The following DUSP22 variants were observed in gnomAD, a reference collection of about 807,000 sequenced individuals.
DUSP22 encodes dual specificity protein phosphatase 22.
DUSP22 carries 24 observed loss-of-function variants against 24.5 expected under a neutral mutation model. The ratio of observed to expected loss-of-function variants is 0.98; its 90% CI spans 0.71 to 1.38. The LOEUF (loss-of-function observed/expected upper bound fraction) is 1.38. Among genes scored for constraint, DUSP22 ranks in the 40% most tolerant of loss-of-function variants. DUSP22 has a pLI of 0.00. For missense variants in DUSP22, 330 were observed against 269.2 expected (o/e 1.23, Z -1.58); for synonymous variants, 160 against 106.4 (o/e 1.50, Z -3.10).
At chr6:345,457 G>A (rs1298565957) in intron 4 of DUSP22, among the ~76,000 whole-genome samples, 3 of 152,302 alleles carry the variant, frequency 2.0e-5, no homozygotes, top group African/African-American at 7.2e-5. Context: ...TGATCCGCCT[G>A]CCTCAGCCTC....
chr6:319,159 A>G (rs1046207335), intron 3 of DUSP22, among the ~76,000 whole-genome samples: 6 of 152,288 alleles, frequency 3.9e-5, no homozygotes, highest in African/African-American at 7.2e-5. Flanking sequence ...AAATTCTTGA[A>G]TTTATTTGTC....
At chr6:293,357 G>A (rs1757182843) in intron 1 of DUSP22, among the ~76,000 whole-genome samples, 2 of 152,408 alleles carry the variant, frequency 1.3e-5, no homozygotes, top group African/African-American at 2.4e-5. Flanking sequence ...GAACCACAGG[G>A]TTAAGGATTT....
intron 3 of DUSP22, among the ~76,000 whole-genome samples, chr6:332,762 G>A (rs1034395720): frequency 6.6e-6 from 1 of 152,166 alleles, no homozygotes; most frequent in Non-Finnish European, 1.5e-5. Context: ...CTCGTCTTAA[G>A]CTTCCTTGCC....
At chr6:334,687 A>G (rs1480116302) in intron 3 of DUSP22, among the ~76,000 whole-genome samples, 2 of 152,300 alleles carry the variant, frequency 1.3e-5, no homozygotes, top group Non-Finnish European at 2.9e-5. Context: ...ATGTGACATT[A>G]TAGTTTTCAC....
chr6:315,262 G>A (rs371708053), intron 3 of DUSP22, among the ~76,000 whole-genome samples: 1,169 of 152,048 alleles, frequency 7.7e-3, no homozygotes, highest in African/African-American at 0.027. Context: ...CTGAGATTCT[G>A]AGGAGCTCTG....
chr6:295,799 CAAA>C (rs61498181), intron 1 of DUSP22, among the ~76,000 whole-genome samples: 67 of 137,956 alleles, frequency 4.9e-4, no homozygotes, highest in South Asian at 3.1e-3. Flanking sequence ...GACCCTGTTT[CAAA>C]AAAAAAAAAA....
intron 3 of DUSP22, among the ~76,000 whole-genome samples, chr6:323,213 C>G (rs1351099608): frequency 6.6e-6 from 1 of 152,164 alleles, no homozygotes; most frequent in Admixed American, 6.5e-5. Flanking sequence ...GGCCAGACTC[C>G]CTGGGATGTT....
intron 3 of DUSP22, among the ~76,000 whole-genome samples, chr6:312,960 C>G (rs1217128928): frequency 6.8e-6 from 1 of 147,810 alleles, no homozygotes; most frequent in African/African-American, 2.5e-5. Context: ...TATTGTTTAG[C>G]TCATAATTTT....
At chr6:322,096 TATC>T (rs572185908) in intron 3 of DUSP22, among the ~76,000 whole-genome samples, 21 of 152,130 alleles carry the variant, frequency 1.4e-4, no homozygotes, top group African/African-American at 4.4e-4. Flanking sequence ...AGTGTACACA[TATC>T]ATCTACATAG....
chr6:350,806 T>C lies in DUSP22; in HGVS notation c.*1855T>C. The C allele has an allele frequency of 6.2e-7, 1 of 1,614,280 alleles. No individual in the cohort carries two copies. The highest frequency in any genetic ancestry group is 1.3e-5 in the African/African-American group (1 of 75,088). On this transcript the variant is annotated 3_prime_UTR_variant, in exon 7 of 7. Coordinates refer to ENST00000419235, the MANE Select transcript of DUSP22 (RefSeq NM_001286555.3). ...TTGTTTTAATATTTGTTGCCAGTAA[T>C]GTTCTTTCTTCACAGCCGCTCCGGG...
At chr6:309,378 G>A (rs10214858) in intron 2 of DUSP22, among the ~76,000 whole-genome samples, 11,960 of 148,536 alleles carry the variant, frequency 0.081, 28 homozygotes, top group East Asian at 0.24. Context: ...AATAAACTTA[G>A]GCAAAATACT....
chr6:297,116 T>G (rs567066079), intron 1 of DUSP22, among the ~76,000 whole-genome samples: 441 of 152,238 alleles, frequency 2.9e-3, no homozygotes, highest in Admixed American at 4.3e-3. Context: ...TGCTGCTTCA[T>G]GGGTGTGATC....
Position 349,558 on chromosome 6 carries a change from A to G in DUSP22, c.*607A>G, listed in dbSNP as rs1224440407. On this transcript the variant is annotated 3_prime_UTR_variant, in exon 7 of 7. Transcript: ENST00000419235. ...GCATGGCCTCTCCCAGAACCCACCC[A>G]GGGTGGTGTGGTGGGGGCAACAGGG... The G allele has an allele frequency of 6.1e-6, 6 of 989,468 alleles. No homozygotes were observed. Among genetic ancestry groups the G allele is most frequent in the Non-Finnish European group, 7.2e-6 (6 of 832,968 alleles). The allele number at this position is 989,468 out of a possible 1,614,324, so 61.3% of individuals were successfully genotyped here.
intron 3 of DUSP22, among the ~76,000 whole-genome samples, chr6:321,195 G>C (rs1758571703): frequency 6.6e-6 from 1 of 152,306 alleles, no homozygotes; most frequent in East Asian, 1.9e-4. Context: ...AGAGGTACAG[G>C]GTGCACTAAG....
At chr6:313,093 T>C (rs1415491850) in intron 3 of DUSP22, among the ~76,000 whole-genome samples, 1 of 152,306 alleles carries the variant, frequency 6.6e-6, no homozygotes, top group Non-Finnish European at 1.5e-5. Flanking sequence ...CTCCATTTTT[T>C]AATCTGTCAA....
chr6:317,982 A>C (rs778474736), intron 3 of DUSP22, among the ~76,000 whole-genome samples: 4 of 152,304 alleles, frequency 2.6e-5, no homozygotes, highest in African/African-American at 9.6e-5. Context: ...TATCATGAGC[A>C]ATTTGTGAAG....
chr6:321,285 A>G (rs914325502), intron 3 of DUSP22, among the ~76,000 whole-genome samples: 2 of 152,298 alleles, frequency 1.3e-5, no homozygotes, highest in Non-Finnish European at 2.9e-5. Context: ...GCAGGCTCAG[A>G]GCAGATTAGC....
chr6:292,557 C>T lies in DUSP22; in HGVS notation c.18C>T (p.Asn6=), dbSNP rs772133646. ...CAGCCACCATGGGGAATGGGATGAA[C>T]AAGGTAACGTCTTCCCTCGTTCGCG... MGNGM[N]KILPGLYIGN... The change falls in exon 1 of 7, where the codon AAC becomes AAT. Residue 6 remains asparagine, a synonymous_variant. Coordinates refer to ENST00000419235, the MANE Select transcript of DUSP22 (RefSeq NM_001286555.3). 6.2e-7 allele frequency: 1 copy of T among 1,603,568 alleles called. No individual in the cohort carries two copies. The highest frequency in any genetic ancestry group is 8.5e-7 in the Non-Finnish European group (1 of 1,175,126).
Position 295,358 on chromosome 6 carries a change from T to A in DUSP22, c.21+2798T>A, listed in dbSNP as rs571581909. Reference sequence around the variant, plus strand: ...CACATCCCTGTGGTGGCTCTTCTTGTCGGTCCGTTCCGGGCTCCTGTACGG... The same window carrying A: ...CACATCCCTGTGGTGGCTCTTCTTGACGGTCCGTTCCGGGCTCCTGTACGG... On this transcript the variant is annotated intron_variant, in intron 1 of 6. Coordinates refer to ENST00000419235, the MANE Select transcript of DUSP22 (RefSeq NM_001286555.3). Among the ~76,000 whole-genome samples, 4 of 152,398 alleles carry A rather than the reference T, an allele frequency of 2.6e-5. No individual in the cohort carries two copies. The South Asian group carries it at 8.3e-4, about 32-fold the overall frequency.
Sources: allele counts gnomAD v4.1 joint callset (sites outside exome capture counted in the v4.1 genomes callset), GRCh38; gene constraint gnomAD v4.1.1; transcripts MANE v1.5; gene names NCBI Gene and HGNC (gene_info 2026-07-23, HGNC 2026-07-21).